The following PRAG1 variants were observed in gnomAD, a reference collection of about 807,000 sequenced individuals.
The protein encoded by PRAG1 is PEAK1 related, kinase-activating pseudokinase 1, also known as inactive tyrosine-protein kinase PRAG1.
In PRAG1, 110 loss-of-function variants were observed where a neutral mutation model predicts 95.6. The ratio of observed to expected loss-of-function variants is 1.15; its 90% CI spans 0.99 to 1.35. PRAG1 has a LOEUF of 1.35. PRAG1 is among the 40% of genes most tolerant of loss of function. The pLI is 0.00. For synonymous variants in PRAG1, 1,052 were observed against 819.4 expected, an observed-to-expected ratio of 1.28 and a Z score of -4.85; for missense variants, 2,554 against 1,864.7, an observed-to-expected ratio of 1.37 and a Z score of -6.81.
chr8:8,362,690 T>C (rs566846282), intron 3 of PRAG1, among the ~76,000 whole-genome samples: 3 of 152,332 alleles, frequency 2.0e-5, no homozygotes, highest in African/African-American at 7.2e-5. Flanking sequence ...CTCAGTACTT[T>C]CTGCAGAAAG....
At chr8:8,380,990 G>T (rs1046294718) in intron 2 of PRAG1, among the ~76,000 whole-genome samples, 1 of 152,020 alleles carries the variant, frequency 6.6e-6, no homozygotes, top group Non-Finnish European at 1.5e-5. Flanking sequence ...TAGGGAAGGG[G>T]GTCAGTGTGA....
At position 8,329,389 on chromosome 8, in the gene PRAG1, C is replaced by CTAATAATAA. The variant is rs146318226; in HGVS notation, c.2321-937_2321-929dup. Among the ~76,000 whole-genome samples, 588 of 150,970 alleles carry CTAATAATAA rather than the reference C, an allele frequency of 3.9e-3. 3 individuals are homozygous for CTAATAATAA. The highest frequency in any genetic ancestry group is 0.017 in the Middle Eastern group (5 of 292). On this transcript the variant is annotated intron_variant, in intron 4 of 5. Transcript: ENST00000615670. ...CCTGGGTGGCAGAGTGAAACTTCAT[C>CTAATAATAA]TAATAATAATAATAATAATGGGTTG...
At chr8:8,331,295 G>C (rs545377660) in intron 4 of PRAG1, among the ~76,000 whole-genome samples, 1 of 152,102 alleles carries the variant, frequency 6.6e-6, no homozygotes, top group Non-Finnish European at 1.5e-5. Context: ...TTACTACAAG[G>C]CTATCCTGAT....
chr8:8,347,340 C>A (rs1209435410), intron 3 of PRAG1, among the ~76,000 whole-genome samples: 1 of 152,162 alleles, frequency 6.6e-6, no homozygotes, highest in African/African-American at 2.4e-5. Flanking sequence ...CTCTGTTTCC[C>A]CTCAGTTCCT....
At position 8,318,837 on chromosome 8, in the gene PRAG1, G is replaced by T. The variant is rs1306407150; in HGVS notation, c.3538C>A (p.Pro1180Thr). 1 of 1,297,772 alleles carries T rather than the reference G, an allele frequency of 7.7e-7. No homozygotes were observed. Among genetic ancestry groups the T allele is most frequent in the South Asian group, 2.1e-5 (1 of 46,706 alleles). 80.4% of individuals were successfully genotyped at this position (1,297,772 alleles called of 1,614,324 possible). The change falls in exon 6 of 6, where the codon CCC becomes ACC. Residue 1180 changes from proline (P) to threonine (T), a missense_variant. Transcript: ENST00000615670. This position sits in a 1 kb window ranked among gnomAD's most constrained non-coding sequence, Gnocchi z 4.2. ...GCAGGCGGGGCGGCAGAGGAGCAGGGAGGCGCGGCGGCGGCGGGGGCGGGA... is the reference window on the plus strand; with the variant it reads ...GCAGGCGGGGCGGCAGAGGAGCAGGTAGGCGCGGCGGCGGCGGGGGCGGGA... ...PAPAPAAAAPPCSSAAPPAGG... is the reference protein window; with the variant it reads ...PAPAPAAAAPTCSSAAPPAGG...
chr8:8,350,673 G>C (rs556138779), intron 3 of PRAG1, among the ~76,000 whole-genome samples: 6 of 152,188 alleles, frequency 3.9e-5, no homozygotes, highest in Non-Finnish European at 8.8e-5. Context: ...TGGTGGTTAA[G>C]AGCATGAACA....
chr8:8,334,996 T>C (rs1170208997), intron 4 of PRAG1, among the ~76,000 whole-genome samples: 1 of 151,582 alleles, frequency 6.6e-6, no homozygotes, highest in Admixed American at 6.6e-5. Context: ...GTTTGAACCC[T>C]GGAGGTGGGG....
chr8:8,325,783 G>A (rs761869578), intron 5 of PRAG1, among the ~76,000 whole-genome samples: 100 of 151,820 alleles, frequency 6.6e-4, no homozygotes, highest in Middle Eastern at 3.2e-3. Flanking sequence ...GTGAGGGGGC[G>A]GCGCCTGTAG....
chr8:8,328,161 G>T lies in PRAG1; in HGVS notation c.2621C>A (p.Pro874His). 6.2e-7 allele frequency: 1 copy of T among 1,614,262 alleles called. No homozygotes were observed. The highest frequency in any genetic ancestry group is 8.5e-7 in the Non-Finnish European group (1 of 1,180,056). Reference protein sequence around the residue: ...YSLSPGNRHHPVFSSSDPLEK... With the variant: ...YSLSPGNRHHHVFSSSDPLEK... Reference sequence around the variant, plus strand: ...CAGAGGATCGGAAGAGGAGAAGACAGGATGGTGGCGGTTCCCGGGGCTCAA... The same window carrying T: ...CAGAGGATCGGAAGAGGAGAAGACATGATGGTGGCGGTTCCCGGGGCTCAA... The change falls in exon 5 of 6, where the codon CCT (proline) becomes CAT (histidine). Residue 874 changes from proline to histidine, a missense_variant. Pro to His is a moderately conservative substitution (Grantham distance 77). Transcript: ENST00000615670.
rs576885703 is a variant in PRAG1, at chr8:8,377,631, A to G, written c.778T>C (p.Cys260Arg). The change falls in exon 3 of 6, where the codon TGC becomes CGC. Residue 260 changes from cysteine to arginine, a missense_variant. Physicochemically the swap from Cys to Arg is radical, Grantham distance 180. Coordinates refer to ENST00000615670, the MANE Select transcript of PRAG1 (RefSeq NM_001080826.3). ...GGEYCSILDC[C>R]PGSPVAKAAS... is the part of the protein sequence containing the mutation. The stretch of plus-strand genomic sequence containing the variant: ...GCCTTGGCAACAGGGCTCCCAGGGC[A>G]GCAGTCCAGGATGGAGCAGTACTCT... The G allele has an allele frequency of 8.1e-6, 13 of 1,613,362 alleles. No individual in the cohort carries two copies. Among genetic ancestry groups the G allele is most frequent in the Non-Finnish European group, 1.1e-5 (13 of 1,179,966 alleles).
At chr8:8,367,423 A>T (rs1585265224) in intron 3 of PRAG1, among the ~76,000 whole-genome samples, 1 of 109,728 alleles carries the variant, frequency 9.1e-6, no homozygotes, top group Admixed American at 1.4e-4. Context: ...GTGCCACTGC[A>T]CTCCAGCCTA....
At chr8:8,381,956 C>T (rs578134624) in intron 1 of PRAG1, 122 bp from the exon 2 acceptor site, 16 of 498,070 alleles carry the variant, frequency 3.2e-5, no homozygotes, top group Non-Finnish European at 4.6e-5. Flanking sequence ...GATTAGGATC[C>T]CATTTATTTT....
intron 3 of PRAG1, among the ~76,000 whole-genome samples, chr8:8,358,221 C>T (rs923717983): frequency 3.3e-5 from 5 of 152,134 alleles, no homozygotes; most frequent in Non-Finnish European, 5.9e-5. Context: ...AAGTATATCA[C>T]AAAGGATACA....
chr8:8,349,382 G>A (rs1393979641), intron 3 of PRAG1, among the ~76,000 whole-genome samples: 5 of 151,976 alleles, frequency 3.3e-5, no homozygotes, highest in Non-Finnish European at 7.4e-5. Flanking sequence ...CCGGGTTCAC[G>A]CCATTCTCCT....
At chr8:8,373,362 C>T (rs1416319326) in intron 3 of PRAG1, among the ~76,000 whole-genome samples, 1 of 152,054 alleles carries the variant, frequency 6.6e-6, no homozygotes, top group Non-Finnish European at 1.5e-5. Context: ...AATGAAAATG[C>T]TTCCCCAAAT....
At chr8:8,344,024 TTAA>T (rs1279046136) in intron 3 of PRAG1, among the ~76,000 whole-genome samples, 2 of 152,156 alleles carry the variant, frequency 1.3e-5, no homozygotes, top group African/African-American at 4.8e-5. Context: ...ATATCAATTA[TTAA>T]TGATATATTC....
At chr8:8,344,722 G>A (rs939788986) in intron 3 of PRAG1, among the ~76,000 whole-genome samples, 3 of 152,138 alleles carry the variant, frequency 2.0e-5, no homozygotes, top group African/African-American at 4.8e-5. Context: ...GCAAATCACA[G>A]GGCCTGAATG....
Position 8,327,970 on chromosome 8 carries a change from G to A in PRAG1, c.2812C>T (p.Leu938=), listed in dbSNP as rs1176091817. The change falls in exon 5 of 6, where the codon CTG becomes TTG. Residue 938 remains leucine (L), a synonymous_variant. Coordinates refer to ENST00000615670, the MANE Select transcript of PRAG1 (RefSeq NM_001080826.3). ...QASTGSTQLQ[L]HGLLSNISSK... ...CTGATGTTGCTCAGGAGACCGTGCA[G>A]CTGAAGCTGGGTGCTCCCGGTGGAG... 3 of 1,604,220 alleles carry A rather than the reference G, an allele frequency of 1.9e-6. No homozygotes were observed. The highest frequency in any genetic ancestry group is 1.7e-5 in the Admixed American group (1 of 59,322).
intron 3 of PRAG1, among the ~76,000 whole-genome samples, chr8:8,366,747 T>C (rs1800021070): frequency 6.6e-6 from 1 of 152,124 alleles, no homozygotes; most frequent in Non-Finnish European, 1.5e-5. Flanking sequence ...GGTGTTACCA[T>C]GGCTGACTGC....
Sources: allele counts gnomAD v4.1 joint callset (sites outside exome capture counted in the v4.1 genomes callset), GRCh38; gene constraint gnomAD v4.1.1; non-coding constraint Gnocchi (gnomAD v3.1); transcripts MANE v1.5; gene names NCBI Gene and HGNC (gene_info 2026-07-23, HGNC 2026-07-21).